TIAM2: variants seen among roughly 807,000 people sequenced by gnomAD.
TIAM2 encodes the protein TIAM Rac1 associated GEF 2.
In TIAM2, 80 loss-of-function variants were observed where a neutral mutation model predicts 152.9. The ratio of observed to expected loss-of-function variants is 0.52; its 90% CI spans 0.44 to 0.63. TIAM2 has a LOEUF of 0.63. Among genes scored for constraint, TIAM2 ranks in the 30% least tolerant of loss-of-function variants. The probability of loss-of-function intolerance (pLI) is 0.00; values close to 1 mark genes in which losing one functional copy is unlikely to be tolerated. For missense variants in TIAM2, 1,965 were observed against 2,120.1 expected (o/e 0.93, Z 1.44); for synonymous variants, 804 against 838.0 (o/e 0.96, Z 0.70).
chr6:155,107,581 G>C (rs1778726058), intron 2 of TIAM2, among the ~76,000 whole-genome samples: 1 of 152,268 alleles, frequency 6.6e-6, no homozygotes, highest in South Asian at 2.1e-4. Context: ...ATTGTATTTT[G>C]CAGTTTTTGG....
At chr6:155,166,815 T>G (rs1166361719) in intron 9 of TIAM2, among the ~76,000 whole-genome samples, 1 of 152,254 alleles carries the variant, frequency 6.6e-6, no homozygotes, top group Non-Finnish European at 1.5e-5. Context: ...GTTTCAAAGC[T>G]GTTGAAAAAA....
chr6:155,086,125 C>T (rs1054064053), intron 1 of TIAM2, among the ~76,000 whole-genome samples: 1 of 152,186 alleles, frequency 6.6e-6, no homozygotes, highest in Non-Finnish European at 1.5e-5. Context: ...TCATTGTTCA[C>T]GTGGCACTGG....
At position 155,054,537 on chromosome 6, in the gene TIAM2, A is replaced by C. The variant is rs1777396466; in HGVS notation, c.-208-35752A>C. The stretch of plus-strand genomic sequence containing the variant: ...AGGCATGCCATGAGTATTTACAATG[A>C]GAGGGATTTCTATTCTGTAGAAGTA... On this transcript the variant is annotated intron_variant, in intron 1 of 26. Coordinates refer to ENST00000682666, the MANE Select transcript of TIAM2 (RefSeq NM_012454.4). Among the ~76,000 whole-genome samples the C allele has an allele frequency of 2.6e-5, 4 of 152,088 alleles. No homozygotes were observed. In the South Asian group the frequency reaches 8.3e-4, roughly 32 times the overall value.
intron 2 of TIAM2, among the ~76,000 whole-genome samples, chr6:155,109,826 C>A (rs1033242610): frequency 2.0e-5 from 3 of 152,060 alleles, no homozygotes; most frequent in Admixed American, 2.0e-4. Context: ...TAGTCTTTTT[C>A]TTACTCTACC....
intron 15 of TIAM2, among the ~76,000 whole-genome samples, chr6:155,223,660 G>GTT (rs199926692): frequency 4.0e-5 from 6 of 150,512 alleles, no homozygotes; most frequent in Admixed American, 2.0e-4. Context: ...AACAAAATGG[G>GTT]TTTTTTTTTG....
rs1460766971 is a variant in TIAM2, at chr6:155,251,151, A to G, written c.4060+130A>G. Reference sequence around the variant, plus strand: ...AATTGCTATAATGGTTGGGGACTTAACAGGGCCAGCCCCCAACTATTTGAA... The same window carrying G: ...AATTGCTATAATGGTTGGGGACTTAGCAGGGCCAGCCCCCAACTATTTGAA... On this transcript the variant is annotated intron_variant, in intron 22 of 26. Transcript: ENST00000682666. The G allele has an allele frequency of 1.3e-5, 10 of 742,034 alleles. No homozygotes were observed. The East Asian group carries it at 2.3e-4, about 17-fold the overall frequency. 46.0% of individuals were successfully genotyped at this position (742,034 alleles called of 1,614,324 possible). A position where few individuals can be genotyped will look rare whatever the true frequency, so the allele number is the denominator to read the frequency against.
intron 6 of TIAM2, among the ~76,000 whole-genome samples, chr6:155,146,321 C>A (rs1290380273): frequency 6.6e-6 from 1 of 152,166 alleles, no homozygotes; most frequent in Non-Finnish European, 1.5e-5. Context: ...GTCAAGGTTA[C>A]AATGAGCTAT....
intron 1 of TIAM2, among the ~76,000 whole-genome samples, chr6:155,052,617 T>C (rs1400744385): frequency 6.6e-6 from 1 of 151,848 alleles, no homozygotes; most frequent in Non-Finnish European, 1.5e-5. Flanking sequence ...ACTACAAAAA[T>C]TAGTCGGGCA....
chr6:155,250,694 C>T, intron 21 of TIAM2: 1 of 1,374,416 alleles, frequency 7.3e-7, no homozygotes, highest in Non-Finnish European at 1.0e-6. Flanking sequence ...TGCACTGGAG[C>T]AAAATGCCTT....
At chr6:155,253,783 A>G (rs1270896123) in intron 24 of TIAM2, 190 bp from the exon 25 acceptor site, 1 of 520,920 alleles carries the variant, frequency 1.9e-6, no homozygotes, top group African/African-American at 2.0e-5. Flanking sequence ...GGAAATGTAA[A>G]AAGTAACCAA....
At chr6:155,250,861 C>A (rs1185665409) in intron 21 of TIAM2, 52 bp from the exon 22 acceptor site, 29 of 1,551,896 alleles carry the variant, frequency 1.9e-5, no homozygotes, top group Non-Finnish European at 2.6e-5. Context: ...AACAAGAGAT[C>A]ATCTAGCCTG....
At chr6:155,083,435 T>G (rs1400580804) in intron 1 of TIAM2, among the ~76,000 whole-genome samples, 1 of 151,864 alleles carries the variant, frequency 6.6e-6, no homozygotes, top group African/African-American at 2.4e-5. Context: ...AAGCAGGCAT[T>G]TACTGCTGTG....
chr6:155,243,504 T>A (rs1365721250), intron 16 of TIAM2, among the ~76,000 whole-genome samples: 2 of 152,178 alleles, frequency 1.3e-5, no homozygotes, highest in African/African-American at 4.8e-5. Flanking sequence ...TATTGTGATA[T>A]TAAACTCTTT....
chr6:154,997,686 G>C (rs1474780029), intron 1 of TIAM2, among the ~76,000 whole-genome samples: 1 of 130,572 alleles, frequency 7.7e-6, no homozygotes, highest in Non-Finnish European at 1.5e-5. Context: ...TGTTGACCAG[G>C]CTGGAGTGCA....
chr6:155,115,119 G>A (rs1778979794), intron 2 of TIAM2, among the ~76,000 whole-genome samples: 2 of 150,448 alleles, frequency 1.3e-5, no homozygotes, highest in South Asian at 4.2e-4. Flanking sequence ...TGAGCCACTG[G>A]GCCTGGCCAA....
intron 1 of TIAM2, among the ~76,000 whole-genome samples, chr6:155,049,319 G>A (rs754089102): frequency 2.0e-5 from 3 of 152,142 alleles, no homozygotes; most frequent in Non-Finnish European, 4.4e-5. Flanking sequence ...AATGGCCTCC[G>A]TGGTGGTCAG....
chr6:155,160,368 G>A (rs1177967241), intron 7 of TIAM2, among the ~76,000 whole-genome samples: 1 of 152,112 alleles, frequency 6.6e-6, no homozygotes, highest in Non-Finnish European at 1.5e-5. Flanking sequence ...TCAACAGATT[G>A]GATGAGGCCC....
In TIAM2 at chr6:155,037,643, C is replaced by T. The variant is rs562403637; in HGVS notation, c.-209+42151C>T. Among the ~76,000 whole-genome samples the T allele has an allele frequency of 3.6e-4, 55 of 152,256 alleles. 1 individual carries two copies. The highest frequency in any genetic ancestry group is 9.6e-4 in the African/African-American group (40 of 41,540). On this transcript the variant is annotated intron_variant, in intron 1 of 26. Coordinates refer to ENST00000682666, the MANE Select transcript of TIAM2 (RefSeq NM_012454.4). ...TCCCAGGTTCAGGCAGTTCTCCTGC[C>T]TCAGCCTCCTGAGTAGCTGGGATTA...
intron 1 of TIAM2, among the ~76,000 whole-genome samples, chr6:155,001,552 C>T (rs987095916): frequency 2.0e-5 from 3 of 152,222 alleles, no homozygotes; most frequent in Non-Finnish European, 1.5e-5. Context: ...CTGCCAGAAG[C>T]GTATAATGTA....
Sources: allele counts gnomAD v4.1 joint callset (sites outside exome capture counted in the v4.1 genomes callset), GRCh38; gene constraint gnomAD v4.1.1; transcripts MANE v1.5; gene names NCBI Gene and HGNC (gene_info 2026-07-23, HGNC 2026-07-21).